The following TMEM106B variants were observed in gnomAD, a reference collection of about 807,000 sequenced individuals.
TMEM106B encodes the protein transmembrane protein 106B.
TMEM106B carries 15 observed loss-of-function variants against 31.1 expected under a neutral mutation model. The observed-to-expected ratio is 0.48, with a 90% CI of 0.32 to 0.74. TMEM106B has a LOEUF of 0.74. TMEM106B is among the 30% of genes least tolerant of loss of function. The pLI is 0.03. For synonymous variants in TMEM106B, 126 were observed against 112.5 expected, an observed-to-expected ratio of 1.12 and a Z score of -0.76; for missense variants, 283 against 327.3, an observed-to-expected ratio of 0.86 and a Z score of 1.04.
chr7:12,230,716 A>G (rs185813432), intron 6 of TMEM106B: 23 of 308,060 alleles, frequency 7.5e-5, no homozygotes, highest in Admixed American at 1.9e-4. Context: ...ACTTGTTACT[A>G]TGTTAAAATA....
rs187804469 is a variant in TMEM106B, at chr7:12,218,087, A to C, written c.218-371A>C. 4.4e-3 allele frequency among the ~76,000 whole-genome samples: 663 copies of C among 152,202 alleles called. 4 individuals are homozygous for C. The highest frequency in any genetic ancestry group is 7.0e-3 in the Non-Finnish European group (474 of 67,992). ...AGAGGTTTCAGGAAAGGGCGATACC[A>C]ATATGTTTCTTCTTTTATCATCCAG... On this transcript the variant is annotated intron_variant, in intron 2 of 7. Transcript: ENST00000396668.
rs190076648 is a variant in TMEM106B at position 12,215,350 on chromosome 7, G to A, written c.217+323G>A. On this transcript the variant is annotated intron_variant, in intron 2 of 7. Coordinates refer to ENST00000396668, the MANE Select transcript of TMEM106B (RefSeq NM_001134232.2). ...TGTAGAGATGACATCATAGTTACTT[G>A]CTACTTTGCTATATCAGATGTTAGA... Among the ~76,000 whole-genome samples, 362 of 151,402 alleles carry A rather than the reference G, an allele frequency of 2.4e-3. 1 individual carries two copies. The highest frequency in any genetic ancestry group is 8.2e-3 in the African/African-American group (337 of 41,326).
chr7:12,229,597 A>G lies in TMEM106B; in HGVS notation c.442-82A>G, dbSNP rs193189502. The G allele has an allele frequency of 2.0e-4, 219 of 1,080,144 alleles. No individual in the cohort carries two copies. The African/African-American group carries it at 2.8e-3, about 14-fold the overall frequency. 66.9% of individuals were successfully genotyped at this position (1,080,144 alleles called of 1,614,324 possible). On this transcript the variant is annotated intron_variant, in intron 4 of 7. Coordinates refer to ENST00000396668, the MANE Select transcript of TMEM106B (RefSeq NM_001134232.2). ...TTTTCTTAATAAATGAAGCATAGCT[A>G]CAGCTGAAGTTACTTTAATTTTAAA...
chr7:12,229,684 A>G lies in TMEM106B; in HGVS notation c.447A>G (p.Thr149=). ...TCTGTGTCCTTTTTTTGTAGAACAC[A>G]CTAAATATAACAAACAATAACTATT... ...KRTIYLNITN[T]LNITNNNYYS... Residue 149 remains threonine, a synonymous_variant, in exon 5 of 8, where the codon ACA becomes ACG. Transcript: ENST00000396668. The G allele has an allele frequency of 6.3e-7, 1 of 1,587,478 alleles. No homozygotes were observed. Among genetic ancestry groups the G allele is most frequent in the Non-Finnish European group, 8.5e-7 (1 of 1,170,728 alleles).
At chr7:12,228,232 T>G (rs1457684517) in intron 4 of TMEM106B, among the ~76,000 whole-genome samples, 1 of 151,798 alleles carries the variant, frequency 6.6e-6, no homozygotes, top group African/African-American at 2.4e-5. Flanking sequence ...CTCTAGCATA[T>G]TCTTTCATCC....
chr7:12,232,087 A>G lies in TMEM106B; in HGVS notation c.*112A>G. ...TAAATTGAACAAACCTAAAGTTTAC[A>G]CTTCTAAGAGTACAGTTAAAAGTAT... On this transcript the variant is annotated 3_prime_UTR_variant, in exon 8 of 8. Coordinates refer to ENST00000396668, the MANE Select transcript of TMEM106B (RefSeq NM_001134232.2). 2.0e-6 allele frequency: 2 copies of G among 1,017,016 alleles called. No homozygotes were observed. Among genetic ancestry groups the G allele is most frequent in the East Asian group, 2.6e-5 (1 of 37,784 alleles). 63.0% of individuals were successfully genotyped at this position (1,017,016 alleles called of 1,614,324 possible).
At chr7:12,212,517 A>T (rs1468800) in intron 1 of TMEM106B, among the ~76,000 whole-genome samples, 11,031 of 151,856 alleles carry the variant, frequency 0.073, 521 homozygotes, top group South Asian at 0.16. Flanking sequence ...AAAGAGTGAA[A>T]ATCTCATTTT....
intron 4 of TMEM106B, 101 bp downstream of exon 4, chr7:12,224,486 C>T (rs763074795): frequency 1.1e-6 from 1 of 946,606 alleles, no homozygotes; most frequent in Non-Finnish European, 1.6e-6. Context: ...AAATGTGACA[C>T]TGGTCAGTGT....
chr7:12,224,478 A>G, intron 4 of TMEM106B, 93 bp downstream of exon 4: 1 of 1,021,746 alleles, frequency 9.8e-7, no homozygotes, highest in Admixed American at 2.3e-5. Context: ...TGTTTGTTAA[A>G]TGTGACACTG....
intron 4 of TMEM106B, among the ~76,000 whole-genome samples, chr7:12,226,431 T>C (rs901620772): frequency 2.6e-5 from 4 of 152,222 alleles, no homozygotes; most frequent in Non-Finnish European, 5.9e-5. Flanking sequence ...CTGTTTTACA[T>C]GTTAACGTTT....
rs976724754 is a variant in TMEM106B at position 12,211,336 on chromosome 7, C to G, written c.-92C>G. On this transcript the variant is annotated 5_prime_UTR_variant, in exon 1 of 8. Transcript: ENST00000396668. ...GCGCTCCAGGCCGGTCGCTCCACCC[C>G]CCGGCTCCCGGGACTGTGGACTCCA... The G allele has an allele frequency of 2.6e-5, 4 of 152,418 alleles. No individual in the cohort carries two copies. The highest frequency in any genetic ancestry group is 6.5e-5 in the Admixed American group (1 of 15,292). The allele number at this position is 152,418 out of a possible 1,614,324, so 9.4% of individuals were successfully genotyped here.
At chr7:12,218,784 C>T (rs1160925490) in intron 3 of TMEM106B, among the ~76,000 whole-genome samples, 2 of 151,970 alleles carry the variant, frequency 1.3e-5, no homozygotes, top group Non-Finnish European at 2.9e-5. Context: ...CACACACACA[C>T]ATAAAATTTT....
In TMEM106B at chr7:12,233,865, C is replaced by A. The variant is rs1360668671; in HGVS notation, c.*1890C>A. On this transcript the variant is annotated 3_prime_UTR_variant, in exon 8 of 8. Coordinates refer to ENST00000396668, the MANE Select transcript of TMEM106B (RefSeq NM_001134232.2). ...TTTTTAATTATGTGACTTCAAAAAT[C>A]ACCTGTATCTGTAGTAGGGCTTCCA... is the stretch of plus-strand genomic sequence containing the variant. The A allele has an allele frequency of 6.6e-6, 1 of 151,436 alleles. No individual in the cohort carries two copies. The highest frequency in any genetic ancestry group is 1.5e-5 in the Non-Finnish European group (1 of 67,644). 9.4% of individuals were successfully genotyped at this position (151,436 alleles called of 1,614,324 possible).
In TMEM106B at chr7:12,224,326, G is replaced by A. The variant is rs141539006; in HGVS notation, c.382G>A (p.Val128Ile). Residue 128 changes from valine (V) to isoleucine (I), a missense_variant, in exon 4 of 8, where the codon GTA becomes ATA. Physicochemically the swap from Val to Ile is conservative, Grantham distance 29. Around this residue, in one of 3 missense-constraint regions of TMEM106B, gnomAD observed 201 missense variants for 211.5 expected, o/e 0.95. Coordinates refer to ENST00000396668, the MANE Select transcript of TMEM106B (RefSeq NM_001134232.2). ...PRSIDVKYIGVKSAYVSYDVQ... is the reference protein window; with the variant it reads ...PRSIDVKYIGIKSAYVSYDVQ... ...CTCTATCGACGTGAAATACATTGGT[G>A]TAAAATCAGCCTATGTCAGTTATGA... 1.9e-6 allele frequency: 3 copies of A among 1,613,736 alleles called. No homozygotes were observed. The highest frequency in any genetic ancestry group is 1.3e-5 in the African/African-American group (1 of 74,878).
chr7:12,224,467 A>G (rs1319742707), intron 4 of TMEM106B, 82 bp downstream of exon 4: 1 of 1,200,020 alleles, frequency 8.3e-7, no homozygotes, highest in Non-Finnish European at 1.2e-6. Context: ...TTGAGAAGAG[A>G]TGTTTGTTAA....
Position 12,221,377 on chromosome 7 carries a change from G to T in TMEM106B, c.282-2849G>T, listed in dbSNP as rs147697289. Among the ~76,000 whole-genome samples, 1,299 of 152,144 alleles carry T rather than the reference G, an allele frequency of 8.5e-3. 21 individuals carry two copies. Among genetic ancestry groups the T allele is most frequent in the African/African-American group, 0.03 (1,231 of 41,514 alleles). On this transcript the variant is annotated intron_variant, in intron 3 of 7. Transcript: ENST00000396668. ...ATTAGGAGTACCTTTGATGTAGTTT[G>T]GAAATTTTATACTTAAATAAGTTAT... is the stretch of plus-strand genomic sequence containing the variant.
In TMEM106B at chr7:12,230,469, G is replaced by A. The variant is rs568587185; in HGVS notation, c.632+31G>A. ...TTCTGATTTATAATAACTTTTTATT[G>A]TCAAATAATGAAGTGTATAAAATAA... is the stretch of plus-strand genomic sequence containing the variant. On this transcript the variant is annotated intron_variant, in intron 6 of 7. Transcript: ENST00000396668. 1.7e-5 allele frequency: 23 copies of A among 1,366,392 alleles called. No individual in the cohort carries two copies. The South Asian group carries it at 2.8e-4, about 17-fold the overall frequency. The allele number at this position is 1,366,392 out of a possible 1,614,324, so 84.6% of individuals were successfully genotyped here.
rs1022706219 is a variant in TMEM106B at position 12,211,316 on chromosome 7, C to G, written c.-112C>G. On this transcript the variant is annotated 5_prime_UTR_variant, in exon 1 of 8. Transcript: ENST00000396668. ...CCCAGCTCTACGGCGGCCGCGCGCT[C>G]CAGGCCGGTCGCTCCACCCCCCGGC... The G allele has an allele frequency of 2.6e-4, 40 of 152,700 alleles. No individual in the cohort carries two copies. Among genetic ancestry groups the G allele is most frequent in the African/African-American group, 9.4e-4 (39 of 41,602 alleles). The allele number at this position is 152,700 out of a possible 1,614,324, so 9.5% of individuals were successfully genotyped here.
At position 12,235,282 on chromosome 7, in the gene TMEM106B, G is replaced by A. The variant is rs1323520342; in HGVS notation, c.*3307G>A. ...ATAAATAATAGAGATTAATTTATTT[G>A]AGATTTGAAATAAGAATAGTATGAA... On this transcript the variant is annotated 3_prime_UTR_variant, in exon 8 of 8. Transcript: ENST00000396668. 6.6e-6 allele frequency: 1 copy of A among 152,246 alleles called. No individual in the cohort carries two copies. The highest frequency in any genetic ancestry group is 1.5e-5 in the Non-Finnish European group (1 of 67,814). 9.4% of individuals were successfully genotyped at this position (152,246 alleles called of 1,614,324 possible).
Sources: gnomAD v4.1 joint callset for allele counts (sites outside exome capture counted in the v4.1 genomes callset) on GRCh38, gnomAD v4.1.1 for gene constraint, gnomAD v4.1.1 regional missense constraint, MANE v1.5 for transcripts, NCBI Gene and HGNC (gene_info 2026-07-23, HGNC 2026-07-21) for gene names.